Variants in FSD2 observed in about 807,000 individuals in gnomAD.
The protein encoded by FSD2 is fibronectin type III and SPRY domain containing 2.
A neutral mutation model predicts 80.4 loss-of-function variants in FSD2; 71 were observed. The observed-to-expected ratio is 0.88, with a 90% CI of 0.73 to 1.08. The LOEUF is 1.08. Ranked by LOEUF, FSD2 falls within the 50% of genes least tolerant of loss-of-function variation. FSD2 has a pLI of 0.00. For missense variants in FSD2, 923 were observed against 913.8 expected, an observed-to-expected ratio of 1.01 and a Z score of -0.13; for synonymous variants, 361 against 329.5, an observed-to-expected ratio of 1.10 and a Z score of -1.03.
intron 4 of FSD2, 85 bp downstream of exon 4, chr15:82,782,710 C>G (rs2049897399): frequency 8.6e-7 from 1 of 1,165,730 alleles, no homozygotes; most frequent in African/African-American, 1.5e-5. Context: ...GACAACCTAG[C>G]TTACCTCAAC....
intron 7 of FSD2, among the ~76,000 whole-genome samples, chr15:82,770,870 T>G (rs2049551359): frequency 6.6e-6 from 1 of 152,096 alleles, no homozygotes; most frequent in Non-Finnish European, 1.5e-5. Context: ...GTTTGAAAGA[T>G]CTTTATAGAT....
chr15:82,766,066 G>T (rs767324981), intron 9 of FSD2, 35 bp from the exon 10 acceptor site: 6 of 1,534,796 alleles, frequency 3.9e-6, no homozygotes, highest in Non-Finnish European at 5.3e-6. Flanking sequence ...TCAGAATGGG[G>T]CTAGGACACC....
At chr15:82,791,613 T>C (rs914941390) in intron 1 of FSD2, among the ~76,000 whole-genome samples, 6 of 150,540 alleles carry the variant, frequency 4.0e-5, no homozygotes, top group African/African-American at 1.5e-4. Context: ...GTTCAAGGGA[T>C]TGCCCACCTC....
chr15:82,770,397 C>T (rs1297015082), intron 7 of FSD2, among the ~76,000 whole-genome samples: 4 of 152,180 alleles, frequency 2.6e-5, no homozygotes, highest in South Asian at 2.1e-4. Flanking sequence ...TAGGGCCGGG[C>T]GCGGTAGCTC....
chr15:82,800,094 C>T (rs1481312354), intron 1 of FSD2, among the ~76,000 whole-genome samples: 1 of 152,164 alleles, frequency 6.6e-6, no homozygotes, highest in East Asian at 1.9e-4. Context: ...TTACCCATGG[C>T]CTCGGGAAGA....
chr15:82,801,129 T>G (rs994772871), intron 1 of FSD2, among the ~76,000 whole-genome samples: 12 of 152,168 alleles, frequency 7.9e-5, no homozygotes, highest in African/African-American at 2.9e-4. Flanking sequence ...ATAAACTTTC[T>G]CTATGCTGCT....
chr15:82,768,838 G>T, intron 9 of FSD2, 42 bp downstream of exon 9: 1 of 1,407,986 alleles, frequency 7.1e-7, no homozygotes, highest in Non-Finnish European at 9.3e-7. Context: ...ACTGTATCAG[G>T]TGTCAGGGCT....
chr15:82,798,541 C>CAT (rs560849098), intron 1 of FSD2, among the ~76,000 whole-genome samples: 23 of 152,056 alleles, frequency 1.5e-4, no homozygotes, highest in East Asian at 9.6e-4. Flanking sequence ...TTTAACATGA[C>CAT]ATATATATAT....
Position 82,786,803 on chromosome 15 carries a change from T to C in FSD2, c.588A>G (p.Glu196=). 4.3e-6 allele frequency: 7 copies of C among 1,614,026 alleles called. No individual in the cohort carries two copies. The highest frequency in any genetic ancestry group is 1.6e-4 in the Middle Eastern group (1 of 6,062). ...PIRAFQKVFD[E]HKEHEVIPLN... The stretch of plus-strand genomic sequence containing the variant: ...GTGGGATCACTTCATGCTCCTTATG[T>C]TCATCAAAAACCTTCTGAAAAGCTC... The change falls in exon 2 of 13, where the codon GAA becomes GAG. Residue 196 remains glutamate, a synonymous_variant. Transcript: ENST00000334574.
At chr15:82,780,775 CAT>C (rs2049837038) in intron 4 of FSD2, among the ~76,000 whole-genome samples, 2 of 151,648 alleles carry the variant, frequency 1.3e-5, no homozygotes, top group African/African-American at 4.8e-5. Context: ...ATAACATAAA[CAT>C]AGAAGAAAAC....
At position 82,758,559 on chromosome 15, in the gene FSD2, G is replaced by T. The variant is rs1039847013; in HGVS notation, c.*789C>A. ...GTTTTTTCCCATTTCTTGGCCATAG[G>T]TCCTTTGCTGTAGTTTTGAAAGAGC... On this transcript the variant is annotated 3_prime_UTR_variant, in exon 13 of 13. Coordinates refer to ENST00000334574, the MANE Select transcript of FSD2 (RefSeq NM_001007122.4). 6.5e-6 allele frequency: 1 copy of T among 153,172 alleles called. No homozygotes were observed. The highest frequency in any genetic ancestry group is 2.1e-4 in the South Asian group (1 of 4,826). 9.5% of individuals were successfully genotyped at this position (153,172 alleles called of 1,614,324 possible).
intron 11 of FSD2, among the ~76,000 whole-genome samples, chr15:82,764,512 T>TTTTTTTTTTTTTTTTTTTTTA: frequency 8.2e-6 from 1 of 121,914 alleles, no homozygotes; most frequent in Non-Finnish European, 1.7e-5. Context: ...TTTTTTTTTT[T>TTTTTTTTTTTTTTTTTTTTTA]GAGAAGGAGT....
chr15:82,772,035 T>G (rs962954373), intron 7 of FSD2, 38 bp downstream of exon 7: 2 of 1,514,242 alleles, frequency 1.3e-6, no homozygotes, highest in African/African-American at 2.8e-5. Context: ...GCCTGAACTG[T>G]TCCCATGAGC....
chr15:82,793,671 T>C (rs984205993), intron 1 of FSD2, among the ~76,000 whole-genome samples: 1 of 152,202 alleles, frequency 6.6e-6, no homozygotes, highest in African/African-American at 2.4e-5. Flanking sequence ...TAATTTAATC[T>C]CTTTACTTAG....
At chr15:82,793,736 C>G (rs2050200297) in intron 1 of FSD2, among the ~76,000 whole-genome samples, 1 of 152,074 alleles carries the variant, frequency 6.6e-6, no homozygotes, top group African/African-American at 2.4e-5. Flanking sequence ...TTGTGTCTTT[C>G]TAGGAAATGT....
intron 1 of FSD2, among the ~76,000 whole-genome samples, chr15:82,803,492 C>T (rs959840021): frequency 2.0e-5 from 3 of 152,098 alleles, no homozygotes; most frequent in Admixed American, 6.5e-5. Flanking sequence ...CTTCTGGCCG[C>T]GCTCAGGGTC....
chr15:82,762,010 A>G, intron 12 of FSD2, 92 bp downstream of exon 12: 1 of 1,098,970 alleles, frequency 9.1e-7, no homozygotes, highest in South Asian at 1.8e-5. Flanking sequence ...TTTGTAAAAT[A>G]TAACGTGTGT....
chr15:82,804,144 T>C (rs1164892965), intron 1 of FSD2, among the ~76,000 whole-genome samples: 1 of 151,982 alleles, frequency 6.6e-6, no homozygotes, highest in Non-Finnish European at 1.5e-5. Flanking sequence ...ACCACAGCAG[T>C]GTGGAATCAT....
At chr15:82,803,896 C>G (rs1349351822) in intron 1 of FSD2, among the ~76,000 whole-genome samples, 3 of 152,136 alleles carry the variant, frequency 2.0e-5, no homozygotes, top group East Asian at 3.9e-4. Context: ...AAAATCATCT[C>G]TCTAGGCCTA....
Sources: gnomAD v4.1 joint callset for allele counts (sites outside exome capture counted in the v4.1 genomes callset) on GRCh38, gnomAD v4.1.1 for gene constraint, MANE v1.5 for transcripts, NCBI Gene and HGNC (gene_info 2026-07-23, HGNC 2026-07-21) for gene names.